RPL18: variants seen among roughly 807,000 people sequenced by gnomAD.
RPL18 encodes large ribosomal subunit protein eL18.
RPL18 carries 4 observed loss-of-function variants against 25.0 expected under a neutral mutation model. The observed-to-expected ratio is 0.16, with a 90% CI of 0.08 to 0.37. RPL18 has a LOEUF of 0.37. Ranked by LOEUF, RPL18 falls within the 10% of genes least tolerant of loss-of-function variation. The pLI, the probability that RPL18 is intolerant of heterozygous loss-of-function variation, is 1.00. For missense variants in RPL18, 179 were observed against 267.9 expected (o/e 0.67, Z 2.32); for synonymous variants, 129 against 101.6 (o/e 1.27, Z -1.62).
Position 48,616,711 on chromosome 19 carries a change from C to T in RPL18, c.297+15G>A, listed in dbSNP as rs1049783179. The stretch of plus-strand genomic sequence containing the variant: ...GCAAGGGTCTGATGGGTCTGCCCAG[C>T]CCCCGCCAGCTCACCTTCAGTTTGG... On this transcript the variant is annotated intron_variant, in intron 4 of 6. Coordinates refer to ENST00000549920, the MANE Select transcript of RPL18 (RefSeq NM_000979.4). 6 of 1,563,164 alleles carry T rather than the reference C, an allele frequency of 3.8e-6. No individual in the cohort carries two copies. In the South Asian group the frequency reaches 4.4e-5, roughly 12 times the overall value.
Position 48,617,886 on chromosome 19 carries a change from G to A in RPL18, c.4-9C>T, listed in dbSNP as rs1275889360. Reference sequence around the variant, plus strand: ...TGGCGGATGTCCACTCCCTGTGGGGGTGAAGAGGCAACCATGGACCCAATT... The same window carrying A: ...TGGCGGATGTCCACTCCCTGTGGGGATGAAGAGGCAACCATGGACCCAATT... On this transcript the variant is annotated splice_polypyrimidine_tract_variant and intron_variant, in intron 1 of 6. Coordinates refer to ENST00000549920, the MANE Select transcript of RPL18 (RefSeq NM_000979.4). 1 of 1,609,484 alleles carries A rather than the reference G, an allele frequency of 6.2e-7. No individual in the cohort carries two copies.
At chr19:48,616,887 G>A (rs1222304818) in intron 3 of RPL18, 63 bp from the exon 4 acceptor site, 1 of 1,249,462 alleles carries the variant, frequency 8.0e-7, no homozygotes, top group East Asian at 2.3e-5. Flanking sequence ...CCCGCTTGAG[G>A]CATCCCCAGG....
At chr19:48,615,497 T>C in intron 6 of RPL18, 50 bp from the exon 7 acceptor site, 1 of 1,377,980 alleles carries the variant, frequency 7.3e-7, no homozygotes, top group Non-Finnish European at 1.0e-6. Flanking sequence ...AGGAGGCCAT[T>C]GTGGAGTGGC....
Position 48,616,196 on chromosome 19 carries a change from C to T in RPL18, c.304G>A (p.Ala102Thr). 1 of 1,613,712 alleles carries T rather than the reference C, an allele frequency of 6.2e-7. No homozygotes were observed. Among genetic ancestry groups the T allele is most frequent in the Non-Finnish European group, 8.5e-7 (1 of 1,179,972 alleles). The change falls in exon 5 of 7, where the codon GCA becomes ACA. Residue 102 changes from alanine to threonine, a missense_variant. Ala to Thr is a moderately conservative substitution (Grantham distance 58). Transcript: ENST00000549920. The stretch of plus-strand genomic sequence containing the variant: ...CGGGCCCGGCTGGTCACGCGCAGTG[C>T]ACATACCTGGTGGAGAGGACAAGGC... The part of the protein sequence containing the change: ...VQEVPKLKVC[A>T]LRVTSRARSR...
intron 3 of RPL18, 40 bp from the exon 4 acceptor site, chr19:48,616,864 G>T: frequency 6.7e-7 from 1 of 1,502,868 alleles, no homozygotes; most frequent in Non-Finnish European, 9.3e-7. Context: ...TTGTTCTGGT[G>T]TTTACATTCA....
At chr19:48,616,357 A>G (rs1974171716) in intron 4 of RPL18, 155 bp from the exon 5 acceptor site, 1 of 869,268 alleles carries the variant, frequency 1.2e-6, no homozygotes, top group East Asian at 2.6e-5. Context: ...AGCAGTTCTC[A>G]ACACTTCCGG....
chr19:48,616,261 A>G, intron 4 of RPL18, 59 bp from the exon 5 acceptor site: 1 of 1,599,756 alleles, frequency 6.3e-7, no homozygotes, highest in South Asian at 1.1e-5. Context: ...AGGGGCTGCC[A>G]GGACTCACCC....
chr19:48,618,422 C>T (rs1172737594), intron 1 of RPL18: 1 of 154,968 alleles, frequency 6.5e-6, no homozygotes. Context: ...CCTCGGCCTC[C>T]CAAAGTGCTA....
rs1261186963 is a variant in RPL18 at position 48,615,466 on chromosome 19, G to T, written c.492-19C>A. 2 of 1,599,458 alleles carry T rather than the reference G, an allele frequency of 1.3e-6. No individual in the cohort carries two copies. On this transcript the variant is annotated intron_variant, in intron 6 of 6. Transcript: ENST00000549920. ...GTAGGGTCTGTGGGGAGAGGAGGGA[G>T]TGAGAGGGGGGCCCTCTTAAAGGAG... is the stretch of plus-strand genomic sequence containing the variant.
At chr19:48,616,897 G>A (rs947377581) in intron 3 of RPL18, 73 bp from the exon 4 acceptor site, 66 of 1,149,030 alleles carry the variant, frequency 5.7e-5, no homozygotes, top group Non-Finnish European at 7.9e-5. Context: ...GCATCCCCAG[G>A]CCAGGGCAGC....
intron 2 of RPL18, 174 bp downstream of exon 2, chr19:48,617,617 G>A (rs1974216693): frequency 1.5e-6 from 1 of 681,416 alleles, no homozygotes; most frequent in Admixed American, 2.8e-5. Flanking sequence ...CCACTCCCGA[G>A]CTGTACACAG....
Position 48,616,841 on chromosome 19 carries a change from T to C in RPL18, c.199-17A>G. 1.3e-6 allele frequency: 2 copies of C among 1,589,474 alleles called. No homozygotes were observed. The highest frequency in any genetic ancestry group is 2.2e-5 in the East Asian group (1 of 44,764). ...CTTCCGGATCTTAGGGTGGGGAGGATGTACGTCGTAAGTTGTTCTGGTGTT... is the reference window on the plus strand; with the variant it reads ...CTTCCGGATCTTAGGGTGGGGAGGACGTACGTCGTAAGTTGTTCTGGTGTT... On this transcript the variant is annotated splice_polypyrimidine_tract_variant and intron_variant, in intron 3 of 6. Transcript: ENST00000549920.
chr19:48,618,843 A>G (rs1375310091), intron 1 of RPL18: 8 of 515,100 alleles, frequency 1.6e-5, no homozygotes, highest in Admixed American at 3.8e-5. Flanking sequence ...CCAAATAACT[A>G]AGAGTGGCTG....
intron 3 of RPL18, 142 bp downstream of exon 3, chr19:48,617,174 G>C: frequency 1.3e-6 from 1 of 787,654 alleles, no homozygotes. Context: ...CCAACCAACA[G>C]TCCAAGCTCT....
At chr19:48,615,805 C>A in intron 6 of RPL18, 72 bp downstream of exon 6, 1 of 1,375,006 alleles carries the variant, frequency 7.3e-7, no homozygotes. Flanking sequence ...GGAGAAGCAG[C>A]CCAAGTGTGG....
chr19:48,617,503 G>T, intron 2 of RPL18, 80 bp from the exon 3 acceptor site: 1 of 1,036,784 alleles, frequency 9.6e-7, no homozygotes, highest in South Asian at 1.4e-5. Flanking sequence ...AACACATGAT[G>T]ATCTGGACTA....
In RPL18 at chr19:48,616,194, T is replaced by C. The variant is rs767560988; in HGVS notation, c.306A>G (p.Ala102=). ...VQEVPKLKVC[A]LRVTSRARSR... ...TGCGGGCCCGGCTGGTCACGCGCAGTGCACATACCTGGTGGAGAGGACAAG... is the reference window on the plus strand; with the variant it reads ...TGCGGGCCCGGCTGGTCACGCGCAGCGCACATACCTGGTGGAGAGGACAAG... The change falls in exon 5 of 7, where the codon GCA becomes GCG. Residue 102 remains alanine, a synonymous_variant. Transcript: ENST00000549920. 43 of 1,613,594 alleles carry C rather than the reference T, an allele frequency of 2.7e-5. No homozygotes were observed. The highest frequency in any genetic ancestry group is 3.6e-5 in the Non-Finnish European group (42 of 1,179,998).
At chr19:48,616,411 C>T (rs557858612) in intron 4 of RPL18, 3 of 669,492 alleles carry the variant, frequency 4.5e-6, no homozygotes, top group Admixed American at 5.4e-5. Flanking sequence ...GAAACTACAG[C>T]AAGGAAGCTG....
chr19:48,619,147 G>T lies in RPL18; in HGVS notation c.-4C>A, dbSNP rs199791473. ...CGCCGCAAAGCGAGCTCACCATGAT[G>T]GCGCCTCCTGCTCGGCCAGGTCCGG... On this transcript the variant is annotated 5_prime_UTR_variant, in exon 1 of 7. Coordinates refer to ENST00000549920, the MANE Select transcript of RPL18 (RefSeq NM_000979.4). The T allele has an allele frequency of 3.1e-4, 488 of 1,598,724 alleles. No homozygotes were observed. Among genetic ancestry groups the T allele is most frequent in the Non-Finnish European group, 3.4e-4 (402 of 1,173,582 alleles).
Sources: gnomAD v4.1 joint callset for allele counts on GRCh38, gnomAD v4.1.1 for gene constraint, MANE v1.5 for transcripts, NCBI Gene and HGNC (gene_info 2026-07-23, HGNC 2026-07-21) for gene names.